The following MYPN variants were observed in gnomAD, a reference collection of about 807,000 sequenced individuals.
MYPN encodes the protein sarcomeric protein myopalladin, 145 kDa (MYOP).
A neutral mutation model predicts 129.4 loss-of-function variants in MYPN; 63 were observed. That is an observed-to-expected ratio of 0.49 (90% CI 0.40 to 0.60). The LOEUF (loss-of-function observed/expected upper bound fraction) is 0.60. Among genes scored for constraint, MYPN ranks in the 20% least tolerant of loss-of-function variants. The pLI, the probability that MYPN is intolerant of heterozygous loss-of-function variation, is 0.00. For missense variants in MYPN, 1,596 were observed against 1,635.4 expected, an observed-to-expected ratio of 0.98 and a Z score of 0.42; for synonymous variants, 629 against 600.9, an observed-to-expected ratio of 1.05 and a Z score of -0.68.
At chr10:68,178,918 C>T (rs1158946636) in intron 12 of MYPN, among the ~76,000 whole-genome samples, 3 of 151,780 alleles carry the variant, frequency 2.0e-5, no homozygotes, top group African/African-American at 7.3e-5. Context: ...CCTCCTTGAC[C>T]TCATTTCTCT....
Position 68,158,905 on chromosome 10 carries a change from CT to C in MYPN, c.1459+292del, listed in dbSNP as rs10603125. On this transcript the variant is annotated intron_variant, in intron 7 of 19. Transcript: ENST00000358913. ...TGTCCATAAACACAGAGCCTCCTTA[CT>C]TTTTTTTTTTTTTAGATGGAATCTC... 0.41 allele frequency among the ~76,000 whole-genome samples: 60,532 copies of C among 147,282 alleles called. 14,006 individuals carry two copies. Among genetic ancestry groups the C allele is most frequent in the Non-Finnish European group, 0.53 (35,726 of 66,834 alleles).
chr10:68,151,339 A>G (rs2042766388), intron 6 of MYPN, among the ~76,000 whole-genome samples: 1 of 152,220 alleles, frequency 6.6e-6, no homozygotes, highest in Non-Finnish European at 1.5e-5. Context: ...TTAGGCAAAC[A>G]TTCTTATGTG....
upstream of MYPN, among the ~76,000 whole-genome samples, chr10:68,107,160 T>C (rs934171988): frequency 1.3e-5 from 2 of 152,188 alleles, no homozygotes; most frequent in African/African-American, 4.8e-5. Context: ...ATCTAAAATA[T>C]GTTTGATGTA....
intron 1 of MYPN, among the ~76,000 whole-genome samples, chr10:68,116,645 A>AG (rs1299770330): frequency 1.3e-5 from 2 of 152,036 alleles, no homozygotes; most frequent in Non-Finnish European, 1.5e-5. Flanking sequence ...CTGAGGCAGG[A>AG]GAATCGCTTG....
chr10:68,105,304 A>G (rs568622411), upstream of MYPN, among the ~76,000 whole-genome samples: 1 of 152,352 alleles, frequency 6.6e-6, no homozygotes, highest in South Asian at 2.1e-4. Flanking sequence ...TAGACGTTAA[A>G]GGAATCTATT....
chr10:68,184,346 G>A (rs945860863), intron 12 of MYPN, among the ~76,000 whole-genome samples: 1 of 152,202 alleles, frequency 6.6e-6, no homozygotes, highest in Admixed American at 6.5e-5. Context: ...TTGGTAAAAG[G>A]ATCGGATGCA....
chr10:68,128,623 G>A (rs931399543), intron 2 of MYPN, among the ~76,000 whole-genome samples: 1 of 152,110 alleles, frequency 6.6e-6, no homozygotes, highest in Admixed American at 6.6e-5. Context: ...ATAGAGTATA[G>A]TAAGGAACAC....
At chr10:68,149,820 C>T (rs187377684) in intron 5 of MYPN, among the ~76,000 whole-genome samples, 5 of 151,994 alleles carry the variant, frequency 3.3e-5, no homozygotes, top group Non-Finnish European at 7.4e-5. Flanking sequence ...GAAGGGGTGG[C>T]GTGGGGATAG....
At chr10:68,149,931 T>G (rs2042738851) in intron 5 of MYPN, 109 bp from the exon 6 acceptor site, 6 of 939,626 alleles carry the variant, frequency 6.4e-6, no homozygotes, top group Non-Finnish European at 1.0e-5. Flanking sequence ...ACATCAGTTT[T>G]TTGGTTTGGG....
chr10:68,108,785 G>A (rs2042042986), upstream of MYPN, among the ~76,000 whole-genome samples: 1 of 152,052 alleles, frequency 6.6e-6, no homozygotes, highest in Non-Finnish European at 1.5e-5. Context: ...GCAGTAGCGT[G>A]ATCTCGGCTC....
intron 12 of MYPN, among the ~76,000 whole-genome samples, chr10:68,184,718 G>A (rs1476284917): frequency 1.3e-5 from 2 of 152,216 alleles, no homozygotes; most frequent in East Asian, 3.8e-4. Context: ...TGGGTCTGGG[G>A]AAACAGCTGC....
chr10:68,154,112 G>A (rs1419361998), intron 6 of MYPN, among the ~76,000 whole-genome samples: 1 of 152,212 alleles, frequency 6.6e-6, no homozygotes, highest in Non-Finnish European at 1.5e-5. Context: ...TCTACTCATA[G>A]GTGATACCTA....
chr10:68,121,558 C>A lies in MYPN; in HGVS notation c.120C>A (p.Asn40Lys), dbSNP rs750516979. The change falls in exon 2 of 20, where the codon AAC (asparagine) becomes AAA (lysine). Residue 40 changes from asparagine to lysine, a missense_variant. By Grantham distance (94) the Asn-to-Lys change is moderately conservative (BLOSUM62 0). Coordinates refer to ENST00000358913, the MANE Select transcript of MYPN (RefSeq NM_032578.4). ...NERSRAEPSSNPCHFGSPSGA... is the reference protein window; with the variant it reads ...NERSRAEPSSKPCHFGSPSGA... The stretch of plus-strand genomic sequence containing the variant: ...GGAGTCGAGCGGAGCCCTCCTCCAA[C>A]CCTTGCCATTTCGGCAGTCCTTCTG... 8 of 1,614,106 alleles carry A rather than the reference C, an allele frequency of 5.0e-6. No individual in the cohort carries two copies. The highest frequency in any genetic ancestry group is 1.7e-6 in the Non-Finnish European group (2 of 1,180,048).
chr10:68,094,042 C>T (rs1353264636), intron 1 of MYPN, among the ~76,000 whole-genome samples: 5 of 151,944 alleles, frequency 3.3e-5, no homozygotes, highest in African/African-American at 9.7e-5. Flanking sequence ...CTATAATTAG[C>T]GTATAATGAG....
chr10:68,125,344 A>T (rs2042309114), intron 2 of MYPN, among the ~76,000 whole-genome samples: 1 of 152,216 alleles, frequency 6.6e-6, no homozygotes, highest in Non-Finnish European at 1.5e-5. Flanking sequence ...CACTGGTTGG[A>T]TGCTAGGAAA....
intron 10 of MYPN, among the ~76,000 whole-genome samples, chr10:68,170,640 G>A (rs1228910535): frequency 6.6e-6 from 1 of 152,120 alleles, no homozygotes; most frequent in Admixed American, 6.6e-5. Flanking sequence ...AAGGGAAGCT[G>A]TCATTTTTAA....
intron 6 of MYPN, among the ~76,000 whole-genome samples, 153 bp downstream of exon 6, chr10:68,150,264 C>T (rs986314363): frequency 1.3e-5 from 2 of 152,096 alleles, no homozygotes; most frequent in Admixed American, 6.6e-5. Context: ...ACTACAGTAT[C>T]GCTTCAAGTC....
intron 10 of MYPN, among the ~76,000 whole-genome samples, chr10:68,169,777 T>C (rs1315750039): frequency 1.3e-5 from 2 of 151,718 alleles, no homozygotes; most frequent in African/African-American, 4.8e-5. Flanking sequence ...TCTTGCTCTG[T>C]CACCCAGGCT....
Position 68,210,559 on chromosome 10 carries a change from C to A in MYPN, c.*104C>A. ...GCAACCGAAGTTGAGTAAGTTCCCA[C>A]ACTGCTGGACCTGTGGCAAAGAGTG... On this transcript the variant is annotated 3_prime_UTR_variant, in exon 20 of 20. Coordinates refer to ENST00000358913, the MANE Select transcript of MYPN (RefSeq NM_032578.4). 1 of 1,334,412 alleles carries A rather than the reference C, an allele frequency of 7.5e-7. No homozygotes were observed. The highest frequency in any genetic ancestry group is 1.1e-6 in the Non-Finnish European group (1 of 938,060). 82.7% of individuals were successfully genotyped at this position (1,334,412 alleles called of 1,614,324 possible).
Sources: gnomAD v4.1 joint callset for allele counts (sites outside exome capture counted in the v4.1 genomes callset) on GRCh38, gnomAD v4.1.1 for gene constraint, MANE v1.5 for transcripts, NCBI Gene and HGNC (gene_info 2026-07-23, HGNC 2026-07-21) for gene names.